GPR176: variants seen among roughly 807,000 people sequenced by gnomAD.
GPR176 encodes G-protein coupled receptor 176.
Under a neutral mutation model 35.4 loss-of-function variants are expected in GPR176, and 26 were observed. The observed-to-expected ratio is 0.74, with a 90% confidence interval of 0.54 to 1.02. GPR176 has a LOEUF of 1.02. GPR176 is among the 50% of genes least tolerant of loss of function. The pLI, the probability that GPR176 is intolerant of heterozygous loss-of-function variation, is 0.00. For synonymous variants in GPR176, 278 were observed against 271.3 expected, an observed-to-expected ratio of 1.02 and a Z score of -0.24; for missense variants, 597 against 665.3, an observed-to-expected ratio of 0.90 and a Z score of 1.13.
intron 1 of GPR176, among the ~76,000 whole-genome samples, chr15:39,915,159 C>T (rs113280705): frequency 6.5e-4 from 99 of 152,252 alleles, no homozygotes; most frequent in Non-Finnish European, 1.1e-3. Context: ...AACAAAATAC[C>T]AAAAGCTGGG....
chr15:39,813,957 A>C (rs1297289335), intron 1 of GPR176, among the ~76,000 whole-genome samples: 2 of 152,194 alleles, frequency 1.3e-5, no homozygotes, highest in African/African-American at 4.8e-5. Flanking sequence ...ATATTACCAA[A>C]GGACTCTCCA....
intron 1 of GPR176, among the ~76,000 whole-genome samples, chr15:39,893,645 G>T (rs1362296522): frequency 3.3e-5 from 5 of 151,926 alleles, no homozygotes; most frequent in Non-Finnish European, 7.4e-5. Context: ...GGTGGTGGCC[G>T]GGCAGAGGGG....
intron 1 of GPR176, among the ~76,000 whole-genome samples, chr15:39,824,009 G>A (rs1251002633): frequency 2.0e-5 from 3 of 152,220 alleles, no homozygotes; most frequent in African/African-American, 7.2e-5. Flanking sequence ...AGTAGGAGAT[G>A]TTTGAGTCAT....
chr15:39,839,753 A>T (rs1370983761), intron 1 of GPR176, among the ~76,000 whole-genome samples: 2 of 152,228 alleles, frequency 1.3e-5, no homozygotes, highest in Non-Finnish European at 2.9e-5. Context: ...AATATCCAGA[A>T]TCTACAAAGA....
intron 2 of GPR176, among the ~76,000 whole-genome samples, chr15:39,803,751 G>A (rs1356343584): frequency 6.6e-6 from 1 of 152,196 alleles, no homozygotes; most frequent in East Asian, 1.9e-4. Context: ...AGGCACAAAG[G>A]AGGTACAGGT....
At chr15:39,821,237 A>G (rs1357288118) in intron 1 of GPR176, among the ~76,000 whole-genome samples, 1 of 152,202 alleles carries the variant, frequency 6.6e-6, no homozygotes, top group East Asian at 1.9e-4. Flanking sequence ...CAGTAAGATC[A>G]ATGAGGAGAT....
At chr15:39,917,599 G>A (rs1172566978) in intron 1 of GPR176, among the ~76,000 whole-genome samples, 1 of 151,726 alleles carries the variant, frequency 6.6e-6, no homozygotes, top group Non-Finnish European at 1.5e-5. Context: ...GCCTCCCAAA[G>A]TGTTGGGATT....
chr15:39,883,515 C>T lies in GPR176; in HGVS notation c.172+36340G>A, dbSNP rs1223855572. On this transcript the variant is annotated intron_variant, in intron 1 of 2. Coordinates refer to ENST00000561100, the MANE Select transcript of GPR176 (RefSeq NM_007223.3). ...GAAGGAAAGACAAATATATCCATCA[C>T]CTCCCAAAGTTTCCCCCATCTCATT... Among the ~76,000 whole-genome samples, 6 of 152,148 alleles carry T rather than the reference C, an allele frequency of 3.9e-5. No individual in the cohort carries two copies. The East Asian group carries it at 1.2e-3, about 29-fold the overall frequency.
intron 1 of GPR176, among the ~76,000 whole-genome samples, chr15:39,883,089 G>A (rs1229745091): frequency 1.3e-5 from 2 of 152,006 alleles, no homozygotes; most frequent in Admixed American, 6.5e-5. Flanking sequence ...CTTCGTACGT[G>A]ATGAAACCCT....
In GPR176 at chr15:39,858,589, T is replaced by C. The variant is rs2031397798; in HGVS notation, c.173-51331A>G. On this transcript the variant is annotated intron_variant, in intron 1 of 2. Coordinates refer to ENST00000561100, the MANE Select transcript of GPR176 (RefSeq NM_007223.3). ...TCAGCTGGGTGTGGTGGTGCACACA[T>C]GTAGTCCCAGCTACTTGGGAAGCTG... 3.9e-5 allele frequency among the ~76,000 whole-genome samples: 6 copies of C among 152,024 alleles called. No individual in the cohort carries two copies. The South Asian group carries it at 1.2e-3, about 32-fold the overall frequency.
chr15:39,885,048 G>C (rs1046777374), intron 1 of GPR176, among the ~76,000 whole-genome samples: 2 of 152,086 alleles, frequency 1.3e-5, no homozygotes, highest in African/African-American at 4.8e-5. Flanking sequence ...ACTAACTTCA[G>C]TTTTTTTCCC....
intron 1 of GPR176, among the ~76,000 whole-genome samples, chr15:39,833,661 T>TTATG (rs1235618962): frequency 6.6e-6 from 1 of 152,200 alleles, no homozygotes; most frequent in Admixed American, 6.5e-5. Context: ...GGTAAGTGAA[T>TTATG]TACATGTCAA....
At chr15:39,831,976 T>C (rs553176878) in intron 1 of GPR176, among the ~76,000 whole-genome samples, 1 of 146,784 alleles carries the variant, frequency 6.8e-6, no homozygotes, top group East Asian at 2.0e-4. Context: ...CTCCCTCTAA[T>C]ATCACACACA....
intron 1 of GPR176, among the ~76,000 whole-genome samples, chr15:39,820,556 A>G (rs1900205226): frequency 1.3e-5 from 2 of 152,230 alleles, no homozygotes; most frequent in Admixed American, 1.3e-4. Context: ...GACCCAGAAT[A>G]TCTATGATTC....
At chr15:39,840,272 T>C (rs891450833) in intron 1 of GPR176, among the ~76,000 whole-genome samples, 10 of 152,098 alleles carry the variant, frequency 6.6e-5, no homozygotes, top group African/African-American at 2.2e-4. Context: ...GAAAATGTGA[T>C]ACATATACAC....
chr15:39,914,309 C>CTT (rs5812146), intron 1 of GPR176, among the ~76,000 whole-genome samples: 32 of 71,086 alleles, frequency 4.5e-4, no homozygotes, highest in African/African-American at 8.5e-4. Flanking sequence ...ATATCTTATT[C>CTT]TTTTTTTTTT....
chr15:39,819,156 T>A (rs1233599483), intron 1 of GPR176, among the ~76,000 whole-genome samples: 1 of 152,220 alleles, frequency 6.6e-6, no homozygotes, highest in Non-Finnish European at 1.5e-5. Context: ...GCATGCTCCC[T>A]TTGGACCAGC....
At chr15:39,824,499 T>G (rs1408179170) in intron 1 of GPR176, among the ~76,000 whole-genome samples, 1 of 152,228 alleles carries the variant, frequency 6.6e-6, no homozygotes, top group Admixed American at 6.5e-5. Flanking sequence ...CTCATCATAC[T>G]GATTATTTCT....
intron 1 of GPR176, among the ~76,000 whole-genome samples, chr15:39,911,043 T>A (rs2033564089): frequency 1.3e-5 from 2 of 151,088 alleles, no homozygotes; most frequent in Admixed American, 1.3e-4. Context: ...ATCAAAAAAA[T>A]AAAATAAATA....
Sources: gnomAD v4.1 joint callset for allele counts (sites outside exome capture counted in the v4.1 genomes callset) on GRCh38, gnomAD v4.1.1 for gene constraint, MANE v1.5 for transcripts, NCBI Gene and HGNC (gene_info 2026-07-23, HGNC 2026-07-21) for gene names.